The following DNER variants were observed in gnomAD, a reference collection of about 807,000 sequenced individuals.
DNER encodes the protein delta and Notch-like epidermal growth factor-related receptor.
DNER carries 33 observed loss-of-function variants against 78.2 expected under a neutral mutation model. The observed-to-expected ratio is 0.42, with a 90% CI of 0.32 to 0.56. DNER has a LOEUF of 0.56. Ranked by LOEUF, DNER falls within the 20% of genes least tolerant of loss-of-function variation. The pLI, the probability that DNER is intolerant of heterozygous loss-of-function variation, is 0.11. For missense variants in DNER, 918 were observed against 975.3 expected (o/e 0.94, Z 0.78); for synonymous variants, 417 against 384.8 (o/e 1.08, Z -0.98).
chr2:229,526,567 G>T (rs147327804), intron 5 of DNER, among the ~76,000 whole-genome samples: 1 of 152,138 alleles, frequency 6.6e-6, no homozygotes, highest in Non-Finnish European at 1.5e-5. Flanking sequence ...CAGCTCATCG[G>T]GCATTAGCTA....
chr2:229,605,393 A>G (rs1697914907), intron 1 of DNER, among the ~76,000 whole-genome samples: 1 of 152,240 alleles, frequency 6.6e-6, no homozygotes. Flanking sequence ...CTAATGAAGC[A>G]GTATGGCAAA....
At position 229,366,895 on chromosome 2, in the gene DNER, T is replaced by C. The variant is rs778522656; in HGVS notation, c.2080A>G (p.Ile694Val). 1.9e-6 allele frequency: 3 copies of C among 1,614,036 alleles called. No individual in the cohort carries two copies. The highest frequency in any genetic ancestry group is 2.5e-6 in the Non-Finnish European group (3 of 1,180,030). The change falls in exon 12 of 13, where the codon ATT (isoleucine) becomes GTT (valine). Residue 694 changes from isoleucine (I) to valine (V), a missense_variant. Ile to Val is a conservative substitution (Grantham distance 29). Transcript: ENST00000341772. ...AACCTGGCATGCCGGATGGATGCAATGGCATTGCTGAACTCGCTGTCGATG... is the reference window on the plus strand; with the variant it reads ...AACCTGGCATGCCGGATGGATGCAACGGCATTGCTGAACTCGCTGTCGATG... Reference protein sequence around the residue: ...RSIDSEFSNAIASIRHARFGK... With the variant: ...RSIDSEFSNAVASIRHARFGK...
intron 6 of DNER, among the ~76,000 whole-genome samples, chr2:229,505,173 C>T (rs952105101): frequency 3.9e-4 from 17 of 43,364 alleles, no homozygotes; most frequent in African/African-American, 6.0e-5. Flanking sequence ...TTATGTGTTG[C>T]TGCAGTGTGT....
chr2:229,564,212 T>C (rs1697047656), intron 4 of DNER, among the ~76,000 whole-genome samples: 1 of 147,644 alleles, frequency 6.8e-6, no homozygotes, highest in South Asian at 2.2e-4. Context: ...ACTATCATCA[T>C]CATCCTCCTC....
chr2:229,456,937 T>A (rs1362596108), intron 7 of DNER, among the ~76,000 whole-genome samples: 1 of 151,790 alleles, frequency 6.6e-6, no homozygotes, highest in Non-Finnish European at 1.5e-5. Flanking sequence ...AAAGACATGA[T>A]ACACACATCA....
chr2:229,383,373 G>A (rs1692789269), intron 11 of DNER, among the ~76,000 whole-genome samples: 1 of 152,308 alleles, frequency 6.6e-6, no homozygotes, highest in South Asian at 2.1e-4. Context: ...AAAATAACCA[G>A]CTAGCATCAT....
At chr2:229,457,362 CAA>C (rs1449723973) in intron 7 of DNER, among the ~76,000 whole-genome samples, 1 of 151,844 alleles carries the variant, frequency 6.6e-6, no homozygotes, top group African/African-American at 2.4e-5. Context: ...ATATACATAA[CAA>C]GAGAACAAAT....
chr2:229,607,539 C>A (rs1430444599), intron 1 of DNER, among the ~76,000 whole-genome samples: 1 of 152,002 alleles, frequency 6.6e-6, no homozygotes, highest in Non-Finnish European at 1.5e-5. Flanking sequence ...GATCTAAACA[C>A]AAATGAGAGA....
intron 1 of DNER, among the ~76,000 whole-genome samples, chr2:229,686,812 A>T (rs1299751153): frequency 6.6e-6 from 1 of 152,210 alleles, no homozygotes; most frequent in Non-Finnish European, 1.5e-5. Context: ...AATTGTAGAA[A>T]TTCCCATCAA....
chr2:229,624,667 G>A (rs544567721), intron 1 of DNER, among the ~76,000 whole-genome samples: 8 of 152,178 alleles, frequency 5.3e-5, no homozygotes, highest in South Asian at 2.1e-4. Flanking sequence ...GATCAGGTAC[G>A]TTTGCCTGCA....
intron 7 of DNER, among the ~76,000 whole-genome samples, chr2:229,463,473 C>T (rs575277044): frequency 1.3e-5 from 2 of 152,210 alleles, no homozygotes; most frequent in East Asian, 3.9e-4. Flanking sequence ...TGGGGTCTCG[C>T]TTTGTCTCCC....
intron 8 of DNER, among the ~76,000 whole-genome samples, chr2:229,425,070 T>G (rs12473837): frequency 0.22 from 32,889 of 152,052 alleles, 3,795 homozygotes; most frequent in East Asian, 0.45. Flanking sequence ...GAGAGTTCAT[T>G]CATCAGAGCA....
chr2:229,458,314 C>T (rs1390372006), intron 7 of DNER, among the ~76,000 whole-genome samples: 1 of 151,722 alleles, frequency 6.6e-6, no homozygotes, highest in East Asian at 1.9e-4. Context: ...AGTAATCCAA[C>T]AGGAAGCTTT....
intron 8 of DNER, among the ~76,000 whole-genome samples, chr2:229,425,627 A>G (rs1693858001): frequency 6.6e-6 from 1 of 152,140 alleles, no homozygotes; most frequent in African/African-American, 2.4e-5. Flanking sequence ...TCCAGGACCC[A>G]CCGGCTCTGG....
At chr2:229,692,758 A>G (rs1699600614) in intron 1 of DNER, among the ~76,000 whole-genome samples, 1 of 152,244 alleles carries the variant, frequency 6.6e-6, no homozygotes, top group African/African-American at 2.4e-5. Context: ...CACTGTTTCA[A>G]TTCATTCCAC....
At chr2:229,647,810 T>C (rs1287982630) in intron 1 of DNER, among the ~76,000 whole-genome samples, 3 of 152,188 alleles carry the variant, frequency 2.0e-5, no homozygotes. Context: ...AAAGGCAGAG[T>C]ATAAAATTGT....
intron 10 of DNER, among the ~76,000 whole-genome samples, chr2:229,395,744 C>T (rs776928522): frequency 1.3e-4 from 20 of 151,992 alleles, no homozygotes; most frequent in Non-Finnish European, 2.4e-4. Flanking sequence ...ACTAAAACTA[C>T]AAAAAATTAG....
rs573810544 is a variant in DNER, at chr2:229,508,812, C to T, written c.1147+3971G>A. 5.9e-5 allele frequency among the ~76,000 whole-genome samples: 9 copies of T among 152,026 alleles called. No individual in the cohort carries two copies. In the East Asian group the frequency reaches 1.7e-3, roughly 29 times the overall value. ...AGGAGAATGGCGTGAACCTGGGAGG[C>T]GGAGCTTGCAGTGAGCTGAGATCGC... On this transcript the variant is annotated intron_variant, in intron 6 of 12. Transcript: ENST00000341772.
At chr2:229,459,972 A>G (rs1029434929) in intron 7 of DNER, among the ~76,000 whole-genome samples, 1 of 151,806 alleles carries the variant, frequency 6.6e-6, no homozygotes, top group African/African-American at 2.4e-5. Flanking sequence ...CCTGTCTAAC[A>G]TGGTGAAACC....
Sources: gnomAD v4.1 joint callset for allele counts (sites outside exome capture counted in the v4.1 genomes callset) on GRCh38, gnomAD v4.1.1 for gene constraint, MANE v1.5 for transcripts, NCBI Gene and HGNC (gene_info 2026-07-23, HGNC 2026-07-21) for gene names.